Variants in ATP2B2 observed in about 807,000 individuals in gnomAD.
ATP2B2 encodes the protein plasma membrane calcium-transporting ATPase 2.
Under a neutral mutation model 120.0 loss-of-function variants are expected in ATP2B2, and 15 were observed. That is an observed-to-expected ratio of 0.12 (90% CI 0.08 to 0.19). The LOEUF (loss-of-function observed/expected upper bound fraction) is 0.19. Ranked by LOEUF, ATP2B2 falls within the 10% of genes least tolerant of loss-of-function variation. The pLI is 1.00. For synonymous variants in ATP2B2, 694 were observed against 700.3 expected (o/e 0.99, Z 0.14); for missense variants, 1,045 against 1,719.8 (o/e 0.61, Z 6.94).
At chr3:10,439,909 C>T (rs992830533) in intron 2 of ATP2B2, among the ~76,000 whole-genome samples, 9 of 151,290 alleles carry the variant, frequency 5.9e-5, no homozygotes, top group African/African-American at 2.2e-4. Context: ...CGTGTACCAC[C>T]ACACCCGGCT....
At chr3:10,458,938 A>G (rs2064373450) in intron 1 of ATP2B2, among the ~76,000 whole-genome samples, 1 of 152,234 alleles carries the variant, frequency 6.6e-6, no homozygotes, top group Non-Finnish European at 1.5e-5. Context: ...CTGTAAAATA[A>G]GGGTGCAATC....
At chr3:10,515,402 G>T (rs2066857038) in intron 3 of ATP2B2, among the ~76,000 whole-genome samples, 1 of 152,180 alleles carries the variant, frequency 6.6e-6, no homozygotes, top group South Asian at 2.1e-4. Flanking sequence ...GGAATCTGAA[G>T]ATATCGTTCG....
At chr3:10,440,093 C>T (rs1262269059) in intron 2 of ATP2B2, among the ~76,000 whole-genome samples, 14 of 104,618 alleles carry the variant, frequency 1.3e-4, no homozygotes, top group African/African-American at 4.5e-4. Flanking sequence ...CAGAGTGAGA[C>T]TCTATCTAAA....
At chr3:10,364,497 G>A (rs1422143041) in intron 12 of ATP2B2, among the ~76,000 whole-genome samples, 2 of 152,076 alleles carry the variant, frequency 1.3e-5, no homozygotes, top group East Asian at 3.9e-4. Context: ...GATCACTTGA[G>A]GTTGGGAGTT....
chr3:10,419,483 C>G (rs755281292), intron 2 of ATP2B2, among the ~76,000 whole-genome samples: 1 of 152,210 alleles, frequency 6.6e-6, no homozygotes, highest in Non-Finnish European at 1.5e-5. Context: ...TCTGTGTTGC[C>G]GCTGTCTTAG....
At chr3:10,341,110 T>C (rs531458147) in intron 19 of ATP2B2, among the ~76,000 whole-genome samples, 2 of 152,276 alleles carry the variant, frequency 1.3e-5, no homozygotes, top group African/African-American at 4.8e-5. Flanking sequence ...TTCCTGAGCA[T>C]GTCCCTTGCT....
chr3:10,707,441 T>G (rs1422190028), intron 1 of ATP2B2, among the ~76,000 whole-genome samples: 1 of 151,808 alleles, frequency 6.6e-6, no homozygotes, highest in Non-Finnish European at 1.5e-5. Context: ...CTAGGGTGAG[T>G]CTCTGCAGCT....
At chr3:10,413,570 G>T (rs997007971) in intron 2 of ATP2B2, among the ~76,000 whole-genome samples, 2 of 152,208 alleles carry the variant, frequency 1.3e-5, no homozygotes, top group African/African-American at 4.8e-5. Flanking sequence ...TGATCTAAGT[G>T]CGTGGGAACA....
At position 10,405,440 on chromosome 3, in the gene ATP2B2, G is replaced by A. The variant is rs372759612; in HGVS notation, c.398-3092C>T. Among the ~76,000 whole-genome samples the A allele has an allele frequency of 7.2e-5, 11 of 152,304 alleles. No homozygotes were observed. The East Asian group carries it at 1.4e-3, about 19-fold the overall frequency. ...CAAGGGATGACTAGAAAGTGGGAGT[G>A]CAGATCGCTGGGGTAGGGATTCGGC... is the stretch of plus-strand genomic sequence containing the variant. On this transcript the variant is annotated intron_variant, in intron 3 of 22. Transcript: ENST00000360273.
intron 1 of ATP2B2, among the ~76,000 whole-genome samples, chr3:10,630,302 G>C (rs58899159): frequency 0.15 from 22,862 of 152,020 alleles, 2,653 homozygotes; most frequent in East Asian, 0.52. Flanking sequence ...TTTTCCTGAT[G>C]CTCTCCCTCT....
chr3:10,582,222 G>A (rs1301177250), intron 2 of ATP2B2, among the ~76,000 whole-genome samples: 6 of 152,180 alleles, frequency 3.9e-5, no homozygotes, highest in Non-Finnish European at 5.9e-5. Context: ...GGATCTGGGC[G>A]TGTTGGCCAG....
chr3:10,376,519 G>A (rs1345153214), intron 10 of ATP2B2, among the ~76,000 whole-genome samples: 1 of 152,174 alleles, frequency 6.6e-6, no homozygotes, highest in African/African-American at 2.4e-5. Flanking sequence ...CGGTAGGAAC[G>A]CAGCTGGGGA....
chr3:10,358,975 A>C (rs778942139), intron 13 of ATP2B2, 50 bp from the exon 14 acceptor site: 1 of 1,578,840 alleles, frequency 6.3e-7, no homozygotes, highest in Non-Finnish European at 8.6e-7. Context: ...GCTCCTTCTG[A>C]AAGGCTTAGA....
chr3:10,514,467 T>C (rs1475118928), intron 3 of ATP2B2, among the ~76,000 whole-genome samples: 1 of 152,196 alleles, frequency 6.6e-6, no homozygotes, highest in Non-Finnish European at 1.5e-5. Context: ...GGAATTCCCT[T>C]TGGGATCTGC....
Position 10,346,185 on chromosome 3 carries a change from G to A in ATP2B2, c.2405-48C>T. The A allele has an allele frequency of 1.3e-6, 2 of 1,586,098 alleles. No homozygotes were observed. Among genetic ancestry groups the A allele is most frequent in the Non-Finnish European group, 1.7e-6 (2 of 1,164,524 alleles). On this transcript the variant is annotated intron_variant, in intron 16 of 22. Transcript: ENST00000360273. This position sits in a 1 kb window ranked among gnomAD's most constrained non-coding sequence, Gnocchi z 4.1. Reference sequence around the variant, plus strand: ...AGGCCCTGGGCCACTCAGGTGGGAGGCAGCCTGGGCCAGCCCTGGTCCTCG... The same window carrying A: ...AGGCCCTGGGCCACTCAGGTGGGAGACAGCCTGGGCCAGCCCTGGTCCTCG...
At chr3:10,631,309 G>A (rs574824473) in intron 1 of ATP2B2, among the ~76,000 whole-genome samples, 19 of 152,348 alleles carry the variant, frequency 1.2e-4, no homozygotes, top group Admixed American at 6.5e-4. Context: ...GAATGTGGCT[G>A]AACTACATGT....
chr3:10,468,270 G>A (rs1351204575), intron 1 of ATP2B2, among the ~76,000 whole-genome samples: 1 of 152,260 alleles, frequency 6.6e-6, no homozygotes, highest in Non-Finnish European at 1.5e-5. Flanking sequence ...CAGGTGCGAG[G>A]CCAGGGCCCT....
At chr3:10,352,952 C>A (rs1311330360) in intron 14 of ATP2B2, among the ~76,000 whole-genome samples, 2 of 152,174 alleles carry the variant, frequency 1.3e-5, no homozygotes, top group Non-Finnish European at 2.9e-5. Context: ...TTGACTTTGA[C>A]CCTCTGCCCA....
rs548280794 is a variant in ATP2B2 at position 10,504,801 on chromosome 3, C to T, written c.-320+664G>A. Among the ~76,000 whole-genome samples the T allele has an allele frequency of 6.6e-5, 10 of 152,186 alleles. 1 individual carries two copies. Among genetic ancestry groups the T allele is most frequent in the African/African-American group, 1.4e-4 (6 of 41,518 alleles). ...AAGTGGGCTTCTGGGCAGAGGGTGC[C>T]GACTCCACCACCCAGCATGACTGCT... On this transcript the variant is annotated intron_variant, in intron 1 of 22. Transcript: ENST00000360273.
Sources: gnomAD v4.1 joint callset for allele counts (sites outside exome capture counted in the v4.1 genomes callset) on GRCh38, gnomAD v4.1.1 for gene constraint, Gnocchi (gnomAD v3.1) non-coding constraint, MANE v1.5 for transcripts, NCBI Gene and HGNC (gene_info 2026-07-23, HGNC 2026-07-21) for gene names.